The following MAPKAP1 variants were observed in gnomAD, a reference collection of about 807,000 sequenced individuals.
The protein encoded by MAPKAP1 is target of rapamycin complex 2 subunit MAPKAP1.
MAPKAP1 carries 20 observed loss-of-function variants against 65.7 expected under a neutral mutation model. The ratio of observed to expected loss-of-function variants is 0.30; its 90% CI spans 0.21 to 0.44. The LOEUF (loss-of-function observed/expected upper bound fraction) is 0.44. Ranked by LOEUF, MAPKAP1 falls within the 20% of genes least tolerant of loss-of-function variation. The pLI, the probability that MAPKAP1 is intolerant of heterozygous loss-of-function variation, is 1.00. For synonymous variants in MAPKAP1, 222 were observed against 244.3 expected (o/e 0.91, Z 0.85); for missense variants, 423 against 648.0 (o/e 0.65, Z 3.77).
At chr9:125,687,973 G>A (rs1835034641) in intron 1 of MAPKAP1, among the ~76,000 whole-genome samples, 1 of 152,130 alleles carries the variant, frequency 6.6e-6, no homozygotes, top group East Asian at 1.9e-4. Flanking sequence ...TAAACCAGCA[G>A]ATAATCCTCA....
At chr9:125,440,748 G>A (rs1053829195) in intron 11 of MAPKAP1, among the ~76,000 whole-genome samples, 4 of 152,234 alleles carry the variant, frequency 2.6e-5, no homozygotes, top group African/African-American at 9.6e-5. Flanking sequence ...CAAGTTACCA[G>A]CTGAGAGCAA....
At chr9:125,557,806 T>C (rs1830782165) in intron 6 of MAPKAP1, among the ~76,000 whole-genome samples, 1 of 152,130 alleles carries the variant, frequency 6.6e-6, no homozygotes, top group Non-Finnish European at 1.5e-5. Context: ...TCTGCCTAGA[T>C]CTCTGGCACA....
At position 125,495,561 on chromosome 9, in the gene MAPKAP1, A is replaced by G. The variant is rs145383142; in HGVS notation, c.1066+10749T>C. 5.7e-3 allele frequency among the ~76,000 whole-genome samples: 875 copies of G among 152,334 alleles called. 4 individuals are homozygous for G. Among genetic ancestry groups the G allele is most frequent in the Middle Eastern group, 0.041 (12 of 294 alleles). On this transcript the variant is annotated intron_variant, in intron 8 of 11. Transcript: ENST00000265960. ...GACATTGGCTGTGGTACAGGTCTAA[A>G]TGCACTTAAACCAATTTTAATATAT...
intron 8 of MAPKAP1, among the ~76,000 whole-genome samples, chr9:125,504,619 T>C (rs1829084530): frequency 1.3e-5 from 2 of 151,692 alleles, no homozygotes; most frequent in Non-Finnish European, 2.9e-5. Context: ...CTACTAAAAA[T>C]AAAAAATAAA....
chr9:125,624,490 T>C, intron 4 of MAPKAP1, among the ~76,000 whole-genome samples: 1 of 88,740 alleles, frequency 1.1e-5, no homozygotes, highest in East Asian at 4.6e-4. Context: ...AAGGGGCGCC[T>C]CTGCCCGGCC....
chr9:125,681,487 C>T (rs538726989), intron 1 of MAPKAP1, among the ~76,000 whole-genome samples: 1 of 152,196 alleles, frequency 6.6e-6, no homozygotes, highest in African/African-American at 2.4e-5. Context: ...CTTCTTCTAT[C>T]AAATGTCTCC....
intron 10 of MAPKAP1, among the ~76,000 whole-genome samples, chr9:125,444,807 T>A (rs1852640686): frequency 6.6e-6 from 1 of 152,102 alleles, no homozygotes; most frequent in Non-Finnish European, 1.5e-5. Context: ...GCCAGTTAGG[T>A]CCCATTCCAC....
intron 6 of MAPKAP1, among the ~76,000 whole-genome samples, chr9:125,550,605 T>C (rs1292972763): frequency 6.6e-6 from 1 of 152,238 alleles, no homozygotes; most frequent in Non-Finnish European, 1.5e-5. Context: ...TAGAAGTGTG[T>C]AATTAATGCT....
intron 1 of MAPKAP1, among the ~76,000 whole-genome samples, chr9:125,701,315 AAAGTATACTC>A (rs1289245071): frequency 6.6e-6 from 1 of 152,242 alleles, no homozygotes; most frequent in Non-Finnish European, 1.5e-5. Flanking sequence ...TATATTAGTA[AAAGTATACTC>A]AAGTATAGGA....
intron 4 of MAPKAP1, among the ~76,000 whole-genome samples, chr9:125,611,502 G>C (rs182667753): frequency 1.3e-5 from 2 of 152,148 alleles, no homozygotes; most frequent in Non-Finnish European, 2.9e-5. Context: ...TAACTGGTTC[G>C]GAGGCAATGT....
intron 4 of MAPKAP1, among the ~76,000 whole-genome samples, chr9:125,638,753 A>T (rs1304244092): frequency 1.3e-5 from 2 of 152,218 alleles, no homozygotes; most frequent in Non-Finnish European, 2.9e-5. Flanking sequence ...TCAGGAGAAT[A>T]GTGCACTCTG....
At chr9:125,617,846 C>T (rs1832789138) in intron 4 of MAPKAP1, among the ~76,000 whole-genome samples, 1 of 152,134 alleles carries the variant, frequency 6.6e-6, no homozygotes, top group African/African-American at 2.4e-5. Flanking sequence ...ACGGAGGGGA[C>T]TTCAAAAATA....
chr9:125,604,306 G>A (rs1194679357), intron 4 of MAPKAP1, among the ~76,000 whole-genome samples: 1 of 152,186 alleles, frequency 6.6e-6, no homozygotes, highest in Non-Finnish European at 1.5e-5. Context: ...CACTTAGCAT[G>A]TCTGCCTTGC....
At chr9:125,538,817 C>T (rs1830149218) in intron 7 of MAPKAP1, among the ~76,000 whole-genome samples, 1 of 152,162 alleles carries the variant, frequency 6.6e-6, no homozygotes, top group South Asian at 2.1e-4. Context: ...ATCCTTAGGT[C>T]TGACACAGGG....
intron 5 of MAPKAP1, among the ~76,000 whole-genome samples, chr9:125,576,406 T>A (rs1427870731): frequency 6.6e-6 from 1 of 152,240 alleles, no homozygotes; most frequent in African/African-American, 2.4e-5. Flanking sequence ...GTATTTTCTG[T>A]GCAAATTTTC....
intron 5 of MAPKAP1, among the ~76,000 whole-genome samples, chr9:125,562,934 C>T (rs994613739): frequency 1.3e-5 from 2 of 152,172 alleles, no homozygotes; most frequent in Non-Finnish European, 2.9e-5. Flanking sequence ...CACAGTGTGT[C>T]AAGACTTCCT....
At chr9:125,477,829 G>A (rs923401365) in intron 9 of MAPKAP1, among the ~76,000 whole-genome samples, 2 of 152,156 alleles carry the variant, frequency 1.3e-5, no homozygotes, top group Non-Finnish European at 2.9e-5. Context: ...CCTCCCTCAA[G>A]TGGTTAGGCA....
At chr9:125,693,864 CACACACACAT>C (rs1835305724) in intron 1 of MAPKAP1, among the ~76,000 whole-genome samples, 2 of 151,244 alleles carry the variant, frequency 1.3e-5, no homozygotes, top group Admixed American at 6.6e-5. Flanking sequence ...CACACACACA[CACACACACAT>C]ATATATATAG....
intron 4 of MAPKAP1, among the ~76,000 whole-genome samples, chr9:125,597,074 AAC>A (rs1832152508): frequency 2.0e-5 from 3 of 151,648 alleles, no homozygotes; most frequent in Admixed American, 6.6e-5. Flanking sequence ...CATCCTGGCT[AAC>A]AAAGTGAAAC....
Sources: gnomAD v4.1 joint callset for allele counts (sites outside exome capture counted in the v4.1 genomes callset) on GRCh38, gnomAD v4.1.1 for gene constraint, MANE v1.5 for transcripts, NCBI Gene and HGNC (gene_info 2026-07-23, HGNC 2026-07-21) for gene names.